Variants in MRPL1 observed in about 807,000 individuals in gnomAD.
The protein encoded by MRPL1 is mitochondrial ribosomal protein L1.
Under a neutral mutation model 38.0 loss-of-function variants are expected in MRPL1, and 28 were observed. The observed-to-expected ratio is 0.74, with a 90% CI of 0.55 to 1.01. The LOEUF (loss-of-function observed/expected upper bound fraction) is 1.01. Ranked by LOEUF, MRPL1 falls within the 50% of genes least tolerant of loss-of-function variation. The pLI is 0.00. For missense variants in MRPL1, 358 were observed against 389.8 expected, an observed-to-expected ratio of 0.92 and a Z score of 0.69; for synonymous variants, 123 against 126.7, an observed-to-expected ratio of 0.97 and a Z score of 0.20.
rs1402316731 is a variant in MRPL1, at chr4:77,952,679, T to C, written c.*72T>C. The C allele has an allele frequency of 1.1e-6, 1 of 898,988 alleles. No homozygotes were observed. The highest frequency in any genetic ancestry group is 2.6e-5 in the East Asian group (1 of 38,940). 55.7% of individuals were successfully genotyped at this position (898,988 alleles called of 1,614,324 possible). On this transcript the variant is annotated 3_prime_UTR_variant, in exon 9 of 9. Coordinates refer to ENST00000315567, the MANE Select transcript of MRPL1 (RefSeq NM_020236.4). ...AGAAAATGATAATACAGCATAATTT[T>C]TACATTTGATGTCTTGTTATTGATC...
chr4:77,897,659 G>A (rs972497562), intron 6 of MRPL1, among the ~76,000 whole-genome samples: 1 of 152,210 alleles, frequency 6.6e-6, no homozygotes, highest in Non-Finnish European at 1.5e-5. Context: ...CTTTCCGTGA[G>A]GAATTTGGTG....
chr4:77,893,911 A>T (rs1735857068), intron 5 of MRPL1, among the ~76,000 whole-genome samples: 2 of 151,772 alleles, frequency 1.3e-5, no homozygotes, highest in Admixed American at 6.6e-5. Context: ...AAAGGAAGAA[A>T]CCATTAATTT....
intron 1 of MRPL1, among the ~76,000 whole-genome samples, chr4:77,866,512 C>T (rs1735145996): frequency 6.6e-6 from 1 of 152,092 alleles, no homozygotes; most frequent in Non-Finnish European, 1.5e-5. Context: ...GTGTACAAGT[C>T]TTCGATATCA....
intron 6 of MRPL1, 45 bp from the exon 7 acceptor site, chr4:77,909,221 T>C (rs759374277): frequency 9.0e-7 from 1 of 1,110,518 alleles, no homozygotes; most frequent in Admixed American, 1.9e-5. Flanking sequence ...TAATTTTTAC[T>C]ACTTATTTGG....
At chr4:77,900,801 C>T (rs780495805) in intron 6 of MRPL1, among the ~76,000 whole-genome samples, 1 of 152,082 alleles carries the variant, frequency 6.6e-6, no homozygotes, top group Non-Finnish European at 1.5e-5. Flanking sequence ...ATTGTGAGAA[C>T]TGTATAAGTG....
At chr4:77,909,496 G>A (rs750136383) in intron 7 of MRPL1, 124 bp downstream of exon 7, 1 of 617,984 alleles carries the variant, frequency 1.6e-6, no homozygotes, top group East Asian at 2.9e-5. Context: ...ATTAAGAATG[G>A]CATTAAACAT....
At position 77,892,057 on chromosome 4, in the gene MRPL1, T is replaced by C. The variant is rs941493878; in HGVS notation, c.559-2082T>C. Among the ~76,000 whole-genome samples, 5 of 152,186 alleles carry C rather than the reference T, an allele frequency of 3.3e-5. No homozygotes were observed. The South Asian group carries it at 8.3e-4, about 25-fold the overall frequency. On this transcript the variant is annotated intron_variant, in intron 5 of 8. Coordinates refer to ENST00000315567, the MANE Select transcript of MRPL1 (RefSeq NM_020236.4). ...CTGCAATTTTTTATACATTCCTGTG[T>C]TTTTAAATTAGTTTATCATTTTGCT...
chr4:77,885,812 A>T (rs1735665040), intron 4 of MRPL1, among the ~76,000 whole-genome samples: 1 of 152,196 alleles, frequency 6.6e-6, no homozygotes, highest in Non-Finnish European at 1.5e-5. Flanking sequence ...TAGATGATTT[A>T]TTTGAGGTTA....
At chr4:77,950,392 A>G in intron 8 of MRPL1, among the ~76,000 whole-genome samples, 1 of 152,196 alleles carries the variant, frequency 6.6e-6, no homozygotes, top group East Asian at 1.9e-4. Flanking sequence ...GAAGCTGTGT[A>G]GTAGGCTAGA....
At chr4:77,919,976 A>T (rs897990557) in intron 7 of MRPL1, among the ~76,000 whole-genome samples, 1 of 152,128 alleles carries the variant, frequency 6.6e-6, no homozygotes, top group African/African-American at 2.4e-5. Flanking sequence ...TTTACAGTCA[A>T]TTCTAACTAA....
intron 7 of MRPL1, among the ~76,000 whole-genome samples, chr4:77,938,513 A>G (rs1182481807): frequency 6.6e-6 from 1 of 152,168 alleles, no homozygotes; most frequent in Non-Finnish European, 1.5e-5. Flanking sequence ...GACCAGACTT[A>G]CAAATGGCAG....
intron 7 of MRPL1, among the ~76,000 whole-genome samples, chr4:77,934,117 T>G (rs1220501643): frequency 6.6e-6 from 1 of 152,236 alleles, no homozygotes; most frequent in Non-Finnish European, 1.5e-5. Context: ...TTTTGTACTG[T>G]AACTTAAGTG....
chr4:77,909,343 G>C lies in MRPL1; in HGVS notation c.748G>C (p.Glu250Gln). Reference sequence around the variant, plus strand: ...TGAAATTAAGGTAGATGAAGAAAGGGAGAACTTTCTCCAGACCAAAATAGC... The same window carrying C: ...TGAAATTAAGGTAGATGAAGAAAGGCAGAACTTTCTCCAGACCAAAATAGC... ...GHEIKVDEER[E>Q]NFLQTKIATL... Residue 250 changes from glutamate to glutamine, a missense_variant, in exon 7 of 9, where the codon GAG becomes CAG. By Grantham distance (29) the Glu-to-Gln change is conservative. Transcript: ENST00000315567. The C allele has an allele frequency of 1.2e-6, 2 of 1,605,518 alleles. No homozygotes were observed. Among genetic ancestry groups the C allele is most frequent in the Non-Finnish European group, 8.5e-7 (1 of 1,174,824 alleles).
At chr4:77,941,417 C>T (rs1474780980) in intron 7 of MRPL1, among the ~76,000 whole-genome samples, 1 of 152,110 alleles carries the variant, frequency 6.6e-6, no homozygotes, top group Non-Finnish European at 1.5e-5. Flanking sequence ...ATTTCTCTAT[C>T]TTGTGGAATA....
In MRPL1 at chr4:77,867,746, CTTTTTTTTTTTTTTTTT is replaced by C. The variant is rs71214374; in HGVS notation, c.32-3985_32-3969del. Among the ~76,000 whole-genome samples, 5 of 92,042 alleles carry C rather than the reference CTTTTTTTTTTTTTTTTT, an allele frequency of 5.4e-5. No individual in the cohort carries two copies. In the South Asian group the frequency reaches 1.6e-3, roughly 29 times the overall value. 60.4% of individuals were successfully genotyped at this position (92,042 alleles called of 152,430 possible). On this transcript the variant is annotated intron_variant, in intron 1 of 8. Coordinates refer to ENST00000315567, the MANE Select transcript of MRPL1 (RefSeq NM_020236.4). The stretch of plus-strand genomic sequence containing the variant: ...TACACCCAGCCTTGGATAGTTATTT[CTTTTTTTTTTTTTTTTT>C]TTTTTTTTTTTTAGACGGAGTCTTG...
chr4:77,875,655 C>CA (rs1216281843), intron 2 of MRPL1, among the ~76,000 whole-genome samples: 56 of 131,246 alleles, frequency 4.3e-4, no homozygotes, highest in Middle Eastern at 4.0e-3. Flanking sequence ...CTGCCAAAAA[C>CA]AAAAAAAAAA....
At chr4:77,888,322 C>T (rs1424373595) in intron 5 of MRPL1, among the ~76,000 whole-genome samples, 1 of 151,944 alleles carries the variant, frequency 6.6e-6, no homozygotes, top group African/African-American at 2.4e-5. Context: ...CTGGCCAACA[C>T]GGTGAATCCC....
intron 7 of MRPL1, among the ~76,000 whole-genome samples, chr4:77,919,090 A>G (rs1411632308): frequency 2.0e-5 from 3 of 152,232 alleles, no homozygotes; most frequent in African/African-American, 7.2e-5. Flanking sequence ...GTTTGATGTT[A>G]CTCAAGAAAG....
chr4:77,948,802 C>G lies in MRPL1; in HGVS notation c.778-995C>G, dbSNP rs543032205. Among the ~76,000 whole-genome samples, 67 of 142,386 alleles carry G rather than the reference C, an allele frequency of 4.7e-4. No homozygotes were observed. The South Asian group carries it at 0.01, about 21-fold the overall frequency. 93.4% of individuals were successfully genotyped at this position (142,386 alleles called of 152,430 possible). On this transcript the variant is annotated intron_variant, in intron 7 of 8. Transcript: ENST00000315567. ...TTTTTTTTTTTGAGACAGAGTTTTG[C>G]TCTTGTCGCCCAGGCTGGAGTGCAG...
Sources: gnomAD v4.1 joint callset for allele counts (sites outside exome capture counted in the v4.1 genomes callset) on GRCh38, gnomAD v4.1.1 for gene constraint, MANE v1.5 for transcripts, NCBI Gene and HGNC (gene_info 2026-07-23, HGNC 2026-07-21) for gene names.